Variants in MOCS1 observed in about 807,000 individuals in gnomAD.
The protein encoded by MOCS1 is molybdenum cofactor biosynthesis protein 1.
In MOCS1, 39 loss-of-function variants were observed where a neutral mutation model predicts 57.6. That is an observed-to-expected ratio of 0.68 (90% CI 0.52 to 0.88). The LOEUF is 0.88. Among genes scored for constraint, MOCS1 ranks in the 40% least tolerant of loss-of-function variants. The probability of loss-of-function intolerance (pLI) is 0.00; values close to 1 mark genes in which losing one functional copy is unlikely to be tolerated. For missense variants in MOCS1, 795 were observed against 831.1 expected, an observed-to-expected ratio of 0.96 and a Z score of 0.53; for synonymous variants, 334 against 335.7, an observed-to-expected ratio of 1.00 and a Z score of 0.05.
In MOCS1 at chr6:39,925,771, T is replaced by C; in HGVS notation, c.325A>G (p.Thr109Ala). The change falls in exon 3 of 11, where the codon ACC becomes GCC. Residue 109 changes from threonine (T) to alanine (A), a missense_variant. Around this residue, in one of 3 missense-constraint regions of MOCS1, gnomAD observed 416 missense variants for 392.4 expected, o/e 1.06. Coordinates refer to ENST00000340692, the MANE Select transcript of MOCS1 (RefSeq NM_001358530.2). Reference protein sequence around the residue: ...ANLLTTEEILTLARLFVKEGI... With the variant: ...ANLLTTEEILALARLFVKEGI... ...TCCTTCACAAAGAGCCGGGCGAGGGTCAGGATCTCCTCTGTGGTCAGCAGG... is the reference window on the plus strand; with the variant it reads ...TCCTTCACAAAGAGCCGGGCGAGGGCCAGGATCTCCTCTGTGGTCAGCAGG... 6.2e-7 allele frequency: 1 copy of C among 1,612,666 alleles called. No homozygotes were observed. The highest frequency in any genetic ancestry group is 8.5e-7 in the Non-Finnish European group (1 of 1,179,966).
At chr6:39,925,949 AC>A in intron 2 of MOCS1, 104 bp from the exon 3 acceptor site, 10 of 1,290,770 alleles carry the variant, frequency 7.7e-6, no homozygotes, top group Non-Finnish European at 1.1e-5. Flanking sequence ...GGCTTCTCAA[AC>A]CCATCTGGAT....
rs112997952 is a variant in MOCS1, at chr6:39,904,578, G to GAAAT, written c.*1775_*1778dup. ...TCAGCAGCATTTCTCCCCTGTGATG[G>GAAAT]AAATAAAGTGTTTAGGGCAGTGGGA... is the stretch of plus-strand genomic sequence containing the variant. On this transcript the variant is annotated 3_prime_UTR_variant, in exon 11 of 11. Transcript: ENST00000340692. 0.15 allele frequency: 68,102 copies of GAAAT among 454,030 alleles called. 8,006 individuals are homozygous for GAAAT. Among genetic ancestry groups the GAAAT allele is most frequent in the East Asian group, 0.52 (7,488 of 14,346 alleles). The allele number at this position is 454,030 out of a possible 1,614,324, so 28.1% of individuals were successfully genotyped here.
At position 39,906,854 on chromosome 6, in the gene MOCS1, G is replaced by A. The variant is rs1207799425; in HGVS notation, c.1414C>T (p.Pro472Ser). ...TCTGAGGTTAGCTGGGGTCCTGAGG[G>A]GGCAGCAGAAGCCCAGGAACCTGGG... ...LSPGSWASAA[P>S]SGPQLTSEQL... The change falls in exon 11 of 11, where the codon CCC (proline) becomes TCC (serine). Residue 472 changes from proline to serine, a missense_variant. Pro to Ser is a moderately conservative substitution (Grantham distance 74). Around this residue, in one of 3 missense-constraint regions of MOCS1, gnomAD observed 374 missense variants for 422.6 expected, o/e 0.89. Coordinates refer to ENST00000340692, the MANE Select transcript of MOCS1 (RefSeq NM_001358530.2). The A allele has an allele frequency of 1.2e-6, 2 of 1,614,076 alleles. No individual in the cohort carries two copies. The highest frequency in any genetic ancestry group is 4.5e-5 in the East Asian group (2 of 44,882).
intron 6 of MOCS1, 84 bp downstream of exon 6, chr6:39,913,233 G>A (rs1767445377): frequency 8.3e-7 from 1 of 1,211,298 alleles, no homozygotes; most frequent in Non-Finnish European, 1.2e-6. Flanking sequence ...CCTGAGGTCA[G>A]CCATACCCAG....
chr6:39,926,016 C>G (rs1472789388), intron 2 of MOCS1, among the ~76,000 whole-genome samples, 171 bp from the exon 3 acceptor site: 2 of 152,230 alleles, frequency 1.3e-5, no homozygotes, highest in African/African-American at 4.8e-5. Context: ...AGCATCTCCC[C>G]AGGCCTCACC....
In MOCS1 at chr6:39,913,446, G is replaced by T; in HGVS notation, c.646-18C>A. 1 of 1,602,280 alleles carries T rather than the reference G, an allele frequency of 6.2e-7. No homozygotes were observed. The highest frequency in any genetic ancestry group is 8.6e-7 in the Non-Finnish European group (1 of 1,169,316). ...CAGTTCACCTGGCCGGGGAACAATG[G>T]GACCATGAGGGCTGTGCCCCCTGCA... On this transcript the variant is annotated intron_variant, in intron 5 of 10. Coordinates refer to ENST00000340692, the MANE Select transcript of MOCS1 (RefSeq NM_001358530.2).
chr6:39,927,379 C>G lies in MOCS1; in HGVS notation c.200G>C (p.Arg67Pro). 6.2e-7 allele frequency: 1 copy of G among 1,612,650 alleles called. No individual in the cohort carries two copies. Among genetic ancestry groups the G allele is most frequent in the South Asian group, 1.1e-5 (1 of 91,050 alleles). Residue 67 changes from arginine (R) to proline (P), a missense_variant, in exon 2 of 11, where the codon CGG (arginine) becomes CCG (proline). Physicochemically the swap from Arg to Pro is moderately radical, Grantham distance 103 (BLOSUM62 -2). Coordinates refer to ENST00000340692, the MANE Select transcript of MOCS1 (RefSeq NM_001358530.2). ...FSAFLTDSFGRQHSYLRISLT... is the reference protein window; with the variant it reads ...FSAFLTDSFGPQHSYLRISLT... ...GGAGATCCGCAGGTAGCTGTGCTGC[C>G]GGCCGAAGCTGTCTGTGAGGAAGGC...
At chr6:39,921,999 G>A (rs2149414285) in intron 3 of MOCS1, among the ~76,000 whole-genome samples, 1 of 152,266 alleles carries the variant, frequency 6.6e-6, no homozygotes, top group East Asian at 1.9e-4. Flanking sequence ...GCTAAGTCCA[G>A]CTCATCTGGC....
Position 39,906,733 on chromosome 6 carries a change from ACCACGGCTGAAGCCACAG to A in MOCS1, c.1517_1534del (p.Ala506_Val511del). 3 of 1,614,140 alleles carry A rather than the reference ACCACGGCTGAAGCCACAG, an allele frequency of 1.9e-6. No homozygotes were observed. The highest frequency in any genetic ancestry group is 2.5e-6 in the Non-Finnish European group (3 of 1,180,040). The stretch of plus-strand genomic sequence containing the variant: ...CTTGAAGGCTACCGGTCCCAGGAGG[ACCACGGCTGAAGCCACAG>A]CCACCCGCTCTGTGTCTGGCTTCCT... On this transcript the variant is annotated inframe_deletion, in exon 11 of 11. Transcript: ENST00000340692.
intron 9 of MOCS1, among the ~76,000 whole-genome samples, chr6:39,909,447 C>G (rs1767182350): frequency 2.0e-5 from 3 of 152,050 alleles, no homozygotes; most frequent in Admixed American, 2.0e-4. Context: ...AAAAGGCCCC[C>G]ACATGTGCAC....
rs1001206381 is a variant in MOCS1, at chr6:39,927,431, G to A, written c.148C>T (p.Leu50=). Residue 50 remains leucine (L), a synonymous_variant, in exon 2 of 11, where the codon CTG becomes TTG. Transcript: ENST00000340692. ...GAGAAGGGGGCCGCATGCTCCCGCA[G>A]GAACTGCCTCCGCCTGGACACCTCC... is the stretch of plus-strand genomic sequence containing the variant. The part of the protein sequence containing the change: ...SEEVSRRRQF[L]REHAAPFSAF... The A allele has an allele frequency of 2.5e-6, 4 of 1,612,200 alleles. No homozygotes were observed. The Admixed American group carries it at 6.7e-5, about 27-fold the overall frequency.
Position 39,909,117 on chromosome 6 carries a change from A to G in MOCS1, c.1103-15T>C, listed in dbSNP as rs202219276. On this transcript the variant is annotated splice_polypyrimidine_tract_variant and intron_variant, in intron 9 of 10. Coordinates refer to ENST00000340692, the MANE Select transcript of MOCS1 (RefSeq NM_001358530.2). Reference sequence around the variant, plus strand: ...ACTGAACATGCCTGGGGTGAGGGAAAGATGGGGAGGGAGAGGAAAGCAGGG... The same window carrying G: ...ACTGAACATGCCTGGGGTGAGGGAAGGATGGGGAGGGAGAGGAAAGCAGGG... 1.9e-6 allele frequency: 3 copies of G among 1,563,324 alleles called. No individual in the cohort carries two copies. The highest frequency in any genetic ancestry group is 2.6e-6 in the Non-Finnish European group (3 of 1,146,272).
Position 39,904,691 on chromosome 6 carries a change from T to TATCTA in MOCS1, c.*1661_*1665dup. The TATCTA allele has an allele frequency of 2.3e-6, 1 of 440,848 alleles. No homozygotes were observed. Among genetic ancestry groups the TATCTA allele is most frequent in the Admixed American group, 2.4e-5 (1 of 41,784 alleles). The allele number at this position is 440,848 out of a possible 1,614,324, so 27.3% of individuals were successfully genotyped here. A position where few individuals can be genotyped will look rare whatever the true frequency, so the allele number is the denominator to read the frequency against. ...TTTCCACCAACTGGGGAACTGTGAC[T>TATCTA]ATCTATCTCCCCCGACTTCTACCAG... On this transcript the variant is annotated 3_prime_UTR_variant, in exon 11 of 11. Coordinates refer to ENST00000340692, the MANE Select transcript of MOCS1 (RefSeq NM_001358530.2).
intron 3 of MOCS1, among the ~76,000 whole-genome samples, chr6:39,922,411 G>C (rs551353218): frequency 5.3e-5 from 8 of 152,176 alleles, no homozygotes; most frequent in African/African-American, 1.9e-4. Context: ...TAGATTTTTT[G>C]GTAAATTTTT....
In MOCS1 at chr6:39,906,737, C is replaced by T. The variant is rs757098805; in HGVS notation, c.1531G>A (p.Val511Met). Residue 511 changes from valine (V) to methionine (M), a missense_variant, in exon 11 of 11, where the codon GTG becomes ATG. Coordinates refer to ENST00000340692, the MANE Select transcript of MOCS1 (RefSeq NM_001358530.2). ...AAGGCTACCGGTCCCAGGAGGACCA[C>T]GGCTGAAGCCACAGCCACCCGCTCT... ...DTERVAVASA[V>M]VLLGPVAFKL... 43 of 1,614,066 alleles carry T rather than the reference C, an allele frequency of 2.7e-5. No individual in the cohort carries two copies. Among genetic ancestry groups the T allele is most frequent in the South Asian group, 7.7e-5 (7 of 91,086 alleles).
intron 3 of MOCS1, among the ~76,000 whole-genome samples, chr6:39,920,327 T>C (rs1767894579): frequency 6.6e-6 from 1 of 152,198 alleles, no homozygotes; most frequent in Non-Finnish European, 1.5e-5. Flanking sequence ...CGGGTGAAAG[T>C]GTATTTGGCA....
chr6:39,913,116 T>C, intron 6 of MOCS1, 112 bp from the exon 7 acceptor site: 1 of 993,602 alleles, frequency 1.0e-6, no homozygotes, highest in South Asian at 1.3e-5. Flanking sequence ...CTCCAGCCTC[T>C]TGGAAGGGAG....
At chr6:39,915,784 T>G (rs1767623180) in intron 4 of MOCS1, among the ~76,000 whole-genome samples, 1 of 152,078 alleles carries the variant, frequency 6.6e-6, no homozygotes, top group African/African-American at 2.4e-5. Context: ...CAGACTGTCT[T>G]GGTTTTAAAA....
intron 10 of MOCS1, 127 bp downstream of exon 10, chr6:39,908,928 T>C: frequency 1.2e-6 from 1 of 819,470 alleles, no homozygotes; most frequent in Non-Finnish European, 2.1e-6. Context: ...GAAGGAGGAA[T>C]AGAAGAAAAA....
Sources: allele counts gnomAD v4.1 joint callset (sites outside exome capture counted in the v4.1 genomes callset), GRCh38; gene constraint gnomAD v4.1.1; regional missense constraint gnomAD v4.1.1; transcripts MANE v1.5; gene names NCBI Gene and HGNC (gene_info 2026-07-23, HGNC 2026-07-21).